The following ULK2 variants were observed in gnomAD, a reference collection of about 807,000 sequenced individuals.
ULK2 encodes serine/threonine-protein kinase ULK2.
A neutral mutation model predicts 127.5 loss-of-function variants in ULK2; 76 were observed. The ratio of observed to expected loss-of-function variants is 0.60; its 90% CI spans 0.50 to 0.72. The LOEUF is 0.72. ULK2 is among the 30% of genes least tolerant of loss of function. The pLI is 0.00. For synonymous variants in ULK2, 452 were observed against 461.9 expected, an observed-to-expected ratio of 0.98 and a Z score of 0.28; for missense variants, 1,144 against 1,295.9, an observed-to-expected ratio of 0.88 and a Z score of 1.80.
intron 15 of ULK2, among the ~76,000 whole-genome samples, chr17:19,802,594 G>A (rs1379890479): frequency 6.6e-6 from 1 of 152,148 alleles, no homozygotes; most frequent in African/African-American, 2.4e-5. Flanking sequence ...ACGTTATTTT[G>A]AGTGAAGAAT....
Position 19,867,451 on chromosome 17 carries a change from G to T in ULK2, c.-34C>A. Reference sequence around the variant, plus strand: ...CCCCGGGGCACACAGCGGACGGGCGGGCGGCGCAGTGCGGCGCAGGTATCA... The same window carrying T: ...CCCCGGGGCACACAGCGGACGGGCGTGCGGCGCAGTGCGGCGCAGGTATCA... On this transcript the variant is annotated 5_prime_UTR_variant, in exon 1 of 27. Coordinates refer to ENST00000395544, the MANE Select transcript of ULK2 (RefSeq NM_014683.4). 6.4e-7 allele frequency: 1 copy of T among 1,570,920 alleles called. No homozygotes were observed. The highest frequency in any genetic ancestry group is 8.6e-7 in the Non-Finnish European group (1 of 1,158,340).
chr17:19,797,701 T>G lies in ULK2; in HGVS notation c.1523-19A>C, dbSNP rs769586606. 6.1e-5 allele frequency: 90 copies of G among 1,475,894 alleles called. No homozygotes were observed. The highest frequency in any genetic ancestry group is 7.9e-5 in the Non-Finnish European group (88 of 1,112,516). 91.4% of individuals were successfully genotyped at this position (1,475,894 alleles called of 1,614,324 possible). The stretch of plus-strand genomic sequence containing the variant: ...GGAGAACCTAACAAGAAAACAAATG[T>G]AACATTAACCTGAAGTGAAGAAGTG... On this transcript the variant is annotated intron_variant, in intron 17 of 26. Transcript: ENST00000395544.
At chr17:19,820,726 C>T (rs2041120335) in intron 12 of ULK2, among the ~76,000 whole-genome samples, 1 of 152,176 alleles carries the variant, frequency 6.6e-6, no homozygotes, top group Non-Finnish European at 1.5e-5. Context: ...CTTCTGCTTA[C>T]AATATCATTC....
intron 26 of ULK2, 69 bp from the exon 27 acceptor site, chr17:19,776,476 T>C (rs1344212670): frequency 7.3e-7 from 1 of 1,364,358 alleles, no homozygotes; most frequent in Non-Finnish European, 1.0e-6. Flanking sequence ...CTATTCTATC[T>C]TTGCCCCAAA....
intron 18 of ULK2, 50 bp from the exon 19 acceptor site, chr17:19,796,332 A>C (rs1597726096): frequency 6.7e-7 from 1 of 1,501,406 alleles, no homozygotes; most frequent in Non-Finnish European, 8.9e-7. Flanking sequence ...AATACGATGC[A>C]TGAACTATTC....
At position 19,847,643 on chromosome 17, in the gene ULK2, G is replaced by A. The variant is rs138030255; in HGVS notation, c.296-733C>T. On this transcript the variant is annotated intron_variant, in intron 5 of 26. Coordinates refer to ENST00000395544, the MANE Select transcript of ULK2 (RefSeq NM_014683.4). ...CAGCTCACTGCAACCTCCGCCTCCC[G>A]GGTTCAAGAGATTCTCCAGCTTCAG... Among the ~76,000 whole-genome samples the A allele has an allele frequency of 1.1e-3, 161 of 152,154 alleles. 1 individual carries two copies. The highest frequency in any genetic ancestry group is 1.9e-3 in the Non-Finnish European group (128 of 67,998).
At chr17:19,819,070 AT>A (rs891847635) in intron 12 of ULK2, among the ~76,000 whole-genome samples, 4 of 152,130 alleles carry the variant, frequency 2.6e-5, no homozygotes, top group African/African-American at 9.7e-5. Flanking sequence ...AAGTGCTGGG[AT>A]TACAGGCATG....
chr17:19,820,049 A>ATTTTTTTTTTTTT (rs199698459), intron 12 of ULK2, among the ~76,000 whole-genome samples: 1 of 49,020 alleles, frequency 2.0e-5, no homozygotes, highest in Non-Finnish European at 4.2e-5. Context: ...CTGCAACTTT[A>ATTTTTTTTTTTTT]TTTATTTTTT....
chr17:19,824,607 G>T (rs912552374), intron 12 of ULK2, among the ~76,000 whole-genome samples: 1 of 152,036 alleles, frequency 6.6e-6, no homozygotes, highest in Non-Finnish European at 1.5e-5. Context: ...AAAGGAAGAG[G>T]TTTGAGTAGA....
Position 19,780,466 on chromosome 17 carries a change from G to C in ULK2, c.2916+6C>G, listed in dbSNP as rs764423023. 13 of 1,606,242 alleles carry C rather than the reference G, an allele frequency of 8.1e-6. No homozygotes were observed. The highest frequency in any genetic ancestry group is 1.3e-5 in the African/African-American group (1 of 74,440). On this transcript the variant is annotated splice_donor_region_variant and intron_variant, in intron 25 of 26. Coordinates refer to ENST00000395544, the MANE Select transcript of ULK2 (RefSeq NM_014683.4). ...CTATACAATATTAAACCTTAGAAAGGGTTACCATTTCTACAGCACAATTAT... is the reference window on the plus strand; with the variant it reads ...CTATACAATATTAAACCTTAGAAAGCGTTACCATTTCTACAGCACAATTAT...
At chr17:19,821,256 G>A (rs938115840) in intron 12 of ULK2, among the ~76,000 whole-genome samples, 9 of 152,132 alleles carry the variant, frequency 5.9e-5, no homozygotes, top group Admixed American at 3.9e-4. Flanking sequence ...GCAGTGAGCC[G>A]AGATCGCGCC....
At chr17:19,856,647 T>C (rs1041199350) in intron 3 of ULK2, among the ~76,000 whole-genome samples, 18 of 151,020 alleles carry the variant, frequency 1.2e-4, no homozygotes, top group African/African-American at 4.4e-4. Context: ...TTTTTATATA[T>C]GTCAATTTGT....
Position 19,865,789 on chromosome 17 carries a change from T to C in ULK2, c.130A>G (p.Lys44Glu). 1 of 1,567,810 alleles carries C rather than the reference T, an allele frequency of 6.4e-7. No homozygotes were observed. The highest frequency in any genetic ancestry group is 8.7e-7 in the Non-Finnish European group (1 of 1,145,204). Residue 44 changes from lysine to glutamate, a missense_variant, in exon 2 of 27, where the codon AAG becomes GAG. Around this residue, in one of 2 missense-constraint regions of ULK2, gnomAD observed 231 missense variants for 325.4 expected, o/e 0.71. Coordinates refer to ENST00000395544, the MANE Select transcript of ULK2 (RefSeq NM_014683.4). ...AGTATTTGTGATTTTGACAAGTTCT[T>C]TTTATTAATACTTTTAATAGCTACC... ...WEVAIKSINK[K>E]NLSKSQILLG...
At chr17:19,852,862 G>A (rs957001965) in intron 3 of ULK2, among the ~76,000 whole-genome samples, 3 of 151,840 alleles carry the variant, frequency 2.0e-5, no homozygotes, top group African/African-American at 7.2e-5. Context: ...GTGTTAGCCA[G>A]GATGGTCTCA....
intron 10 of ULK2, among the ~76,000 whole-genome samples, chr17:19,829,670 T>G (rs1244469829): frequency 6.7e-6 from 1 of 149,100 alleles, no homozygotes; most frequent in African/African-American, 2.5e-5. Flanking sequence ...ATCCTGTCTC[T>G]ACTAAAAATA....
intron 12 of ULK2, among the ~76,000 whole-genome samples, chr17:19,819,472 C>T (rs1052697650): frequency 1.3e-5 from 2 of 152,186 alleles, no homozygotes; most frequent in African/African-American, 2.4e-5. Flanking sequence ...GGGCTCTTCA[C>T]GCTTCACTTG....
At chr17:19,830,912 C>T (rs1371092819) in intron 10 of ULK2, among the ~76,000 whole-genome samples, 3 of 151,654 alleles carry the variant, frequency 2.0e-5, no homozygotes, top group Non-Finnish European at 2.9e-5. Flanking sequence ...CTGTAATTCC[C>T]GCTACTCAGG....
At chr17:19,847,599 G>T (rs1474046385) in intron 5 of ULK2, among the ~76,000 whole-genome samples, 1 of 152,060 alleles carries the variant, frequency 6.6e-6, no homozygotes, top group Non-Finnish European at 1.5e-5. Context: ...CCCCAGGCTG[G>T]AGTGCAGTGG....
intron 7 of ULK2, among the ~76,000 whole-genome samples, chr17:19,843,434 T>A (rs960686083): frequency 6.6e-6 from 1 of 152,026 alleles, no homozygotes; most frequent in African/African-American, 2.4e-5. Flanking sequence ...CAATGTTGCA[T>A]GAAAAGAGGC....
Sources: gnomAD v4.1 joint callset for allele counts (sites outside exome capture counted in the v4.1 genomes callset) on GRCh38, gnomAD v4.1.1 for gene constraint, gnomAD v4.1.1 regional missense constraint, MANE v1.5 for transcripts, NCBI Gene and HGNC (gene_info 2026-07-23, HGNC 2026-07-21) for gene names.